The following RXRG variants were observed in gnomAD, a reference collection of about 807,000 sequenced individuals.
The protein encoded by RXRG is retinoic acid receptor RXR-gamma.
A neutral mutation model predicts 49.2 loss-of-function variants in RXRG; 19 were observed. That is an observed-to-expected ratio of 0.39 (90% confidence interval 0.27 to 0.57). RXRG has a LOEUF of 0.57. RXRG is among the 20% of genes least tolerant of loss of function. The pLI, the probability that RXRG is intolerant of heterozygous loss-of-function variation, is 0.64. For missense variants in RXRG, 452 were observed against 592.5 expected (o/e 0.76, Z 2.46); for synonymous variants, 224 against 216.6 (o/e 1.03, Z -0.30).
At position 165,428,696 on chromosome 1, in the gene RXRG, C is replaced by T. The variant is rs370244132; in HGVS notation, c.297+23G>A. The T allele has an allele frequency of 1.1e-4, 165 of 1,565,702 alleles. No homozygotes were observed. In the African/African-American group the frequency reaches 1.8e-3, roughly 17 times the overall value. On this transcript the variant is annotated intron_variant, in intron 2 of 9. Transcript: ENST00000359842. ...AAACCATGTAAGATGGCTGGAAAGG[C>T]CTTGGAGAGGAAGAACACTTACCTG... is the stretch of plus-strand genomic sequence containing the variant.
At chr1:165,401,874 T>G (rs1477104036) in intron 9 of RXRG, among the ~76,000 whole-genome samples, 1 of 152,190 alleles carries the variant, frequency 6.6e-6, no homozygotes, top group Non-Finnish European at 1.5e-5. Flanking sequence ...AGAACCTTAC[T>G]CTAGCCATCA....
At position 165,410,949 on chromosome 1, in the gene RXRG, C is replaced by G; in HGVS notation, c.783G>C (p.Ser261=). ...ESYGDMNMEN[S]TNDPVTNICH... ...CACATGTGTGTCTAAGAGCACATAC[C>G]GAGTTCTCCATATTCATGTCACCAT... Residue 261 remains serine (S), a splice_region_variant and synonymous_variant, in exon 5 of 10, where the codon TCG becomes TCC. Coordinates refer to ENST00000359842, the MANE Select transcript of RXRG (RefSeq NM_006917.5). 6.2e-7 allele frequency: 1 copy of G among 1,614,014 alleles called. No individual in the cohort carries two copies. Among genetic ancestry groups the G allele is most frequent in the Non-Finnish European group, 8.5e-7 (1 of 1,179,954 alleles).
rs577100062 is a variant in RXRG at position 165,436,913 on chromosome 1, A to C, written c.49+7932T>G. ...GGTGGGATTTCAGAATTAACAACCA[A>C]ACTTGAAAAGTGGAAAAGCCTGTTA... On this transcript the variant is annotated intron_variant, in intron 1 of 9. Coordinates refer to ENST00000359842, the MANE Select transcript of RXRG (RefSeq NM_006917.5). 2.3e-5 allele frequency: 25 copies of C among 1,110,304 alleles called. No homozygotes were observed. The African/African-American group carries it at 3.5e-4, about 15-fold the overall frequency. 68.8% of individuals were successfully genotyped at this position (1,110,304 alleles called of 1,614,324 possible).
chr1:165,402,607 C>G (rs550718178), intron 9 of RXRG, among the ~76,000 whole-genome samples: 8 of 152,024 alleles, frequency 5.3e-5, no homozygotes, highest in Non-Finnish European at 1.2e-4. Context: ...CACACGCACA[C>G]TCACACTCTT....
At chr1:165,418,635 G>GATAA (rs1414365193) in intron 3 of RXRG, among the ~76,000 whole-genome samples, 2 of 152,152 alleles carry the variant, frequency 1.3e-5, no homozygotes, top group African/African-American at 2.4e-5. Flanking sequence ...TCACAGCAAT[G>GATAA]ATAAATACAG....
rs1214057952 is a variant in RXRG, at chr1:165,436,751, T to C, written c.50-7785A>G. ...CCCAGGCAGTGACCTTGAGAAGTCC[T>C]GACCCCCTCCATTTCCTCAAATGCA... On this transcript the variant is annotated intron_variant, in intron 1 of 9. Coordinates refer to ENST00000359842, the MANE Select transcript of RXRG (RefSeq NM_006917.5). 6.6e-5 allele frequency among the ~76,000 whole-genome samples: 10 copies of C among 152,182 alleles called. 1 individual carries two copies. The highest frequency in any genetic ancestry group is 6.5e-4 in the Admixed American group (10 of 15,276).
chr1:165,438,250 A>T (rs957058855), intron 1 of RXRG, among the ~76,000 whole-genome samples: 5 of 152,212 alleles, frequency 3.3e-5, no homozygotes, highest in African/African-American at 1.2e-4. Context: ...GAACTTTTTG[A>T]ATGCCAATAT....
chr1:165,439,065 A>G (rs1231588796), intron 1 of RXRG, among the ~76,000 whole-genome samples: 4 of 152,134 alleles, frequency 2.6e-5, no homozygotes, highest in Non-Finnish European at 1.5e-5. Flanking sequence ...AACTGTTCAC[A>G]TGTGTTACTT....
intron 1 of RXRG, among the ~76,000 whole-genome samples, chr1:165,437,502 G>A (rs1020013366): frequency 1.3e-5 from 2 of 152,184 alleles, no homozygotes; most frequent in African/African-American, 2.4e-5. Context: ...ATAGTTCGCT[G>A]TATTTTAAGA....
intron 4 of RXRG, among the ~76,000 whole-genome samples, chr1:165,414,294 G>A (rs1031618056): frequency 2.0e-5 from 3 of 152,086 alleles, no homozygotes; most frequent in Non-Finnish European, 4.4e-5. Context: ...CAAAAATTGG[G>A]TCCAACTTTC....
intron 9 of RXRG, among the ~76,000 whole-genome samples, chr1:165,402,691 C>T (rs1172428897): frequency 1.3e-5 from 2 of 152,024 alleles, no homozygotes. Context: ...CCCACTCATG[C>T]ACACTTTCAC....
chr1:165,414,818 C>T (rs1407041247), intron 4 of RXRG, among the ~76,000 whole-genome samples: 1 of 152,148 alleles, frequency 6.6e-6, no homozygotes, highest in Admixed American at 6.5e-5. Flanking sequence ...GCAAGTATGA[C>T]GTAAGCACAG....
chr1:165,424,672 G>T, intron 2 of RXRG: 1 of 498,574 alleles, frequency 2.0e-6, no homozygotes, highest in Non-Finnish European at 2.6e-6. Flanking sequence ...AAATGACAGA[G>T]CACAGAGGAG....
At chr1:165,439,571 G>A (rs1249400047) in intron 1 of RXRG, among the ~76,000 whole-genome samples, 2 of 152,234 alleles carry the variant, frequency 1.3e-5, no homozygotes, top group South Asian at 4.1e-4. Flanking sequence ...GAGGCTGAGA[G>A]GCCTGAGCCT....
Position 165,406,935 on chromosome 1 carries a change from G to T in RXRG, c.1139-18C>A. ...CTTGGCATCTAAAAGACATGACTGA[G>T]TTAGCCTTTGATTACACACCCTCCA... On this transcript the variant is annotated intron_variant, in intron 8 of 9. Transcript: ENST00000359842. 3 of 1,575,932 alleles carry T rather than the reference G, an allele frequency of 1.9e-6. No homozygotes were observed. Among genetic ancestry groups the T allele is most frequent in the African/African-American group, 1.3e-5 (1 of 74,298 alleles).
rs572540873 is a variant in RXRG at position 165,410,636 on chromosome 1, T to G, written c.913+66A>C. 5.1e-5 allele frequency: 81 copies of G among 1,582,472 alleles called. No homozygotes were observed. The African/African-American group carries it at 1.0e-3, about 20-fold the overall frequency. ...ACATGTTGCAGCTCCATCAGGCTAC[T>G]TTTTTTAGGATCCCAAGAGCAATTT... On this transcript the variant is annotated intron_variant, in intron 6 of 9. Coordinates refer to ENST00000359842, the MANE Select transcript of RXRG (RefSeq NM_006917.5).
In RXRG at chr1:165,401,446, G is replaced by A. The variant is rs765462652; in HGVS notation, c.1245-36C>T. 41 of 1,611,080 alleles carry A rather than the reference G, an allele frequency of 2.5e-5. No homozygotes were observed. The Middle Eastern group carries it at 7.1e-4, about 28-fold the overall frequency. ...GCCAAGAGGCATCAGGGACAGGGAC[G>A]GGCAGGCACTGCACACCTGCACCTG... On this transcript the variant is annotated intron_variant, in intron 9 of 9. Coordinates refer to ENST00000359842, the MANE Select transcript of RXRG (RefSeq NM_006917.5).
intron 8 of RXRG, among the ~76,000 whole-genome samples, chr1:165,407,616 A>G (rs1657796542): frequency 6.6e-6 from 1 of 152,182 alleles, no homozygotes; most frequent in Non-Finnish European, 1.5e-5. Context: ...AGCCTTACAC[A>G]GGCAGAGGCT....
chr1:165,419,327 T>C (rs2101722552), intron 3 of RXRG, among the ~76,000 whole-genome samples: 1 of 152,292 alleles, frequency 6.6e-6, no homozygotes, highest in East Asian at 1.9e-4. Context: ...AGTTTTCTAG[T>C]TCGTTCAAAT....
Sources: gnomAD v4.1 joint callset for allele counts (sites outside exome capture counted in the v4.1 genomes callset) on GRCh38, gnomAD v4.1.1 for gene constraint, MANE v1.5 for transcripts, NCBI Gene and HGNC (gene_info 2026-07-23, HGNC 2026-07-21) for gene names.